The following KIAA1217 variants were observed in gnomAD, a reference collection of about 807,000 sequenced individuals.
The protein encoded by KIAA1217 is sickle tail protein homolog.
A neutral mutation model predicts 163.9 loss-of-function variants in KIAA1217; 88 were observed. The ratio of observed to expected loss-of-function variants is 0.54; its 90% CI spans 0.45 to 0.64. The LOEUF (loss-of-function observed/expected upper bound fraction) is 0.64. Among genes scored for constraint, KIAA1217 ranks in the 30% least tolerant of loss-of-function variants. KIAA1217 has a pLI of 0.00. For missense variants in KIAA1217, 2,372 were observed against 2,475.0 expected (o/e 0.96, Z 0.88); for synonymous variants, 903 against 923.1 (o/e 0.98, Z 0.39).
chr10:24,169,320 A>G lies in KIAA1217; in HGVS notation c.-170-50306A>G, dbSNP rs1321788328. On this transcript the variant is annotated intron_variant, in intron 2 of 18. Coordinates refer to the KIAA1217 transcript ENST00000376462. ...GCCCGTTCTTCCTGACCCATGCTCC[A>G]TCACTCAATTCTCATTCTCTCCATT... Among the ~76,000 whole-genome samples the G allele has an allele frequency of 3.3e-5, 5 of 152,312 alleles. No individual in the cohort carries two copies. In the South Asian group the frequency reaches 1.0e-3, roughly 32 times the overall value.
intron 2 of KIAA1217, among the ~76,000 whole-genome samples, chr10:24,079,276 T>A (rs2061466063): frequency 6.6e-6 from 1 of 152,130 alleles, no homozygotes. Context: ...TAACTGAGGT[T>A]TACAGTAGAG....
Position 24,533,244 on chromosome 10 carries a change from G to T in KIAA1217, c.3414+7G>T. 6.2e-7 allele frequency: 1 copy of T among 1,600,408 alleles called. No individual in the cohort carries two copies. Among genetic ancestry groups the T allele is most frequent in the Non-Finnish European group, 8.5e-7 (1 of 1,171,898 alleles). ...AATAATGGCAGAACTCCAGGTATGT[G>T]GATGAGGTGACTGACATTGGCTCCT... On this transcript the variant is annotated splice_region_variant and intron_variant, in intron 16 of 20. Coordinates refer to ENST00000376454, the MANE Select transcript of KIAA1217 (RefSeq NM_019590.5).
At chr10:24,211,361 C>CTTTTTT (rs1201397959) in intron 1 of KIAA1217, among the ~76,000 whole-genome samples, 4 of 60,208 alleles carry the variant, frequency 6.6e-5, no homozygotes, top group African/African-American at 2.6e-4. Flanking sequence ...GGTGGGACTA[C>CTTTTTT]TTTTTTTTTT....
chr10:23,784,313 C>A (rs746720041), intron 1 of KIAA1217, among the ~76,000 whole-genome samples: 4 of 152,062 alleles, frequency 2.6e-5, no homozygotes, highest in Admixed American at 6.6e-5. Flanking sequence ...CCTTCACTTT[C>A]AACTTGTGTG....
At position 24,103,238 on chromosome 10, in the gene KIAA1217, C is replaced by T. The variant is rs552345483; in HGVS notation, c.-171+95864C>T. On this transcript the variant is annotated intron_variant, in intron 2 of 18. Coordinates refer to the KIAA1217 transcript ENST00000376462. ...CAATAAAAAAAGAAAAGAATCTAGA[C>T]ACAGACTCACATCCTTCACAAAAAC... Among the ~76,000 whole-genome samples, 4 of 152,296 alleles carry T rather than the reference C, an allele frequency of 2.6e-5. No individual in the cohort carries two copies. The South Asian group carries it at 8.3e-4, about 32-fold the overall frequency.
intron 1 of KIAA1217, among the ~76,000 whole-genome samples, chr10:23,983,377 C>A (rs1218498600): frequency 6.6e-6 from 1 of 152,150 alleles, no homozygotes; most frequent in Non-Finnish European, 1.5e-5. Flanking sequence ...CATGATTCTG[C>A]AGGCTATACA....
At chr10:23,793,778 A>G (rs1836071545) in intron 1 of KIAA1217, among the ~76,000 whole-genome samples, 1 of 152,186 alleles carries the variant, frequency 6.6e-6, no homozygotes, top group Non-Finnish European at 1.5e-5. Context: ...GGCCAGCCAC[A>G]GGCAAGCACA....
intron 1 of KIAA1217, among the ~76,000 whole-genome samples, chr10:23,790,577 A>ATATATGTACATGTATACATC (rs1835865243): frequency 8.1e-6 from 1 of 123,652 alleles, no homozygotes; most frequent in African/African-American, 3.7e-5. Flanking sequence ...ATATATACAT[A>ATATATGTACATGTATACATC]TGTATATGTA....
At position 24,177,213 on chromosome 10, in the gene KIAA1217, C is replaced by T. The variant is rs958206543; in HGVS notation, c.-170-42413C>T. On this transcript the variant is annotated intron_variant, in intron 2 of 18. Transcript: ENST00000376462. Reference sequence around the variant, plus strand: ...AGTGGACGCCAAGCCTGAGGAGGCACCGAAAGCGAGCGAGGGCTGCTAGCA... The same window carrying T: ...AGTGGACGCCAAGCCTGAGGAGGCATCGAAAGCGAGCGAGGGCTGCTAGCA... 5.8e-5 allele frequency among the ~76,000 whole-genome samples: 8 copies of T among 137,964 alleles called. No individual in the cohort carries two copies. The East Asian group carries it at 9.7e-4, about 17-fold the overall frequency. The allele number at this position is 137,964 out of a possible 152,430, so 90.5% of individuals were successfully genotyped here.
intron 1 of KIAA1217, among the ~76,000 whole-genome samples, chr10:23,994,813 A>G (rs1846392385): frequency 6.6e-6 from 1 of 152,222 alleles, no homozygotes; most frequent in African/African-American, 2.4e-5. Flanking sequence ...TGAATATGGA[A>G]GCATTGTTAA....
chr10:23,882,685 G>A (rs1334293671), intron 1 of KIAA1217, among the ~76,000 whole-genome samples: 1 of 151,834 alleles, frequency 6.6e-6, no homozygotes, highest in Non-Finnish European at 1.5e-5. Context: ...ATAGCAAATG[G>A]TCCATCTTCT....
Position 24,282,527 on chromosome 10 carries a change from A to G in KIAA1217, c.354+62618A>G, listed in dbSNP as rs192524166. ...TTTATAACAGTATAGACTCATGGAT[A>G]TTTATTTTCACTTTGGGTTTGAATC... On this transcript the variant is annotated intron_variant, in intron 2 of 20. Coordinates refer to ENST00000376454, the MANE Select transcript of KIAA1217 (RefSeq NM_019590.5). Among the ~76,000 whole-genome samples the G allele has an allele frequency of 1.3e-3, 204 of 152,266 alleles. 2 individuals carry two copies. The highest frequency in any genetic ancestry group is 4.4e-3 in the African/African-American group (183 of 41,556).
chr10:24,519,551 T>A (rs188704198), intron 10 of KIAA1217, among the ~76,000 whole-genome samples: 1 of 152,238 alleles, frequency 6.6e-6, no homozygotes, highest in Admixed American at 6.5e-5. Flanking sequence ...TTCTGGTTTG[T>A]CACAAGCTGG....
rs1419167977 is a variant in KIAA1217 at position 24,543,260 on chromosome 10, G to A, written c.3990G>A (p.Val1330=). Reference sequence around the variant, plus strand: ...ACACTAGACTAACAGAATCAAGCGTGCATGATTTTAAAACAGAAGATCAAG... The same window carrying A: ...ACACTAGACTAACAGAATCAAGCGTACATGATTTTAAAACAGAAGATCAAG... ...SSHTRLTESS[V]HDFKTEDQEV... The change falls in exon 19 of 21, where the codon GTG becomes GTA. Residue 1330 remains valine (V), a synonymous_variant. Transcript: ENST00000376454. The A allele has an allele frequency of 6.2e-7, 1 of 1,613,978 alleles. No homozygotes were observed. Among genetic ancestry groups the A allele is most frequent in the South Asian group, 1.1e-5 (1 of 91,076 alleles).
intron 2 of KIAA1217, among the ~76,000 whole-genome samples, chr10:24,271,441 CTT>C (rs1258609784): frequency 2.0e-5 from 3 of 152,110 alleles, no homozygotes; most frequent in Non-Finnish European, 2.9e-5. Context: ...TATACTTACT[CTT>C]TACTAAAGGA....
In KIAA1217 at chr10:24,237,029, T is replaced by C. The variant is rs2072378700; in HGVS notation, c.354+17120T>C. Among the ~76,000 whole-genome samples, 3 of 152,206 alleles carry C rather than the reference T, an allele frequency of 2.0e-5. No individual in the cohort carries two copies. The South Asian group carries it at 6.2e-4, about 32-fold the overall frequency. On this transcript the variant is annotated intron_variant, in intron 2 of 20. Coordinates refer to ENST00000376454, the MANE Select transcript of KIAA1217 (RefSeq NM_019590.5). ...GAGTCTTATTTGCTCTCCAAGTCAA[T>C]CATAGGTACCCATGATGTTGCTAAA...
intron 17 of KIAA1217, among the ~76,000 whole-genome samples, chr10:24,537,097 C>T (rs2074127374): frequency 6.6e-6 from 1 of 152,114 alleles, no homozygotes; most frequent in Admixed American, 6.5e-5. Context: ...CAGCCCACAG[C>T]ATACAATAGT....
At chr10:24,285,049 G>A (rs529952944) in intron 2 of KIAA1217, among the ~76,000 whole-genome samples, 2 of 152,202 alleles carry the variant, frequency 1.3e-5, no homozygotes, top group East Asian at 3.9e-4. Flanking sequence ...AGAAGTGTCT[G>A]TTGACGTCTT....
intron 2 of KIAA1217, among the ~76,000 whole-genome samples, chr10:24,270,356 A>G (rs1304607022): frequency 1.3e-5 from 2 of 152,120 alleles, no homozygotes; most frequent in South Asian, 2.1e-4. Flanking sequence ...CCATAATGCC[A>G]TTCTCTTGGG....
Sources: gnomAD v4.1 joint callset for allele counts (sites outside exome capture counted in the v4.1 genomes callset) on GRCh38, gnomAD v4.1.1 for gene constraint, MANE v1.5 for transcripts, NCBI Gene and HGNC (gene_info 2026-07-23, HGNC 2026-07-21) for gene names.